The following SPOCK1 variants were observed in gnomAD, a reference collection of about 807,000 sequenced individuals.
The protein encoded by SPOCK1 is SPARC (osteonectin), cwcv and kazal like domains proteoglycan 1.
In SPOCK1, 23 loss-of-function variants were observed where a neutral mutation model predicts 55.3. That is an observed-to-expected ratio of 0.42 (90% CI 0.30 to 0.59). The LOEUF (loss-of-function observed/expected upper bound fraction) is 0.59. SPOCK1 is among the 20% of genes least tolerant of loss of function. The probability of loss-of-function intolerance (pLI) is 0.22; values close to 1 mark genes in which losing one functional copy is unlikely to be tolerated. For missense variants in SPOCK1, 499 were observed against 552.5 expected (o/e 0.90, Z 0.97); for synonymous variants, 226 against 221.0 (o/e 1.02, Z -0.20).
At chr5:137,328,502 A>C (rs568367616) in intron 2 of SPOCK1, among the ~76,000 whole-genome samples, 1 of 152,234 alleles carries the variant, frequency 6.6e-6, no homozygotes, top group African/African-American at 2.4e-5. Flanking sequence ...GAGTTCACAC[A>C]GACAAAGCAT....
chr5:137,309,806 T>A (rs1561500579), intron 2 of SPOCK1, among the ~76,000 whole-genome samples: 1 of 151,994 alleles, frequency 6.6e-6, no homozygotes, highest in African/African-American at 2.4e-5. Flanking sequence ...ATGTGAAGCA[T>A]CTAGTATCAT....
At chr5:137,126,839 T>C (rs559287969) in intron 4 of SPOCK1, among the ~76,000 whole-genome samples, 6 of 152,320 alleles carry the variant, frequency 3.9e-5, no homozygotes, top group South Asian at 2.1e-4. Context: ...TGTCCTAGTG[T>C]CTGTGGAAGG....
At chr5:137,401,616 A>G (rs975225053) in intron 2 of SPOCK1, among the ~76,000 whole-genome samples, 1 of 151,876 alleles carries the variant, frequency 6.6e-6, no homozygotes, top group African/African-American at 2.4e-5. Context: ...ACGGTGGCAC[A>G]CATCTCTAGT....
intron 2 of SPOCK1, among the ~76,000 whole-genome samples, chr5:137,394,211 A>G (rs1244523800): frequency 6.6e-6 from 1 of 152,208 alleles, no homozygotes; most frequent in African/African-American, 2.4e-5. Flanking sequence ...AACTCCTGAT[A>G]TTAAGAGTTG....
chr5:136,985,417 G>GGCCAC (rs1750819934), intron 8 of SPOCK1, among the ~76,000 whole-genome samples: 1 of 152,132 alleles, frequency 6.6e-6, no homozygotes. Context: ...AGTATTTGGG[G>GGCCAC]GCCACTTGCA....
chr5:137,360,567 C>G (rs1185623479), intron 2 of SPOCK1, among the ~76,000 whole-genome samples: 1 of 152,236 alleles, frequency 6.6e-6, no homozygotes, highest in Non-Finnish European at 1.5e-5. Flanking sequence ...CCAAATGAGT[C>G]TGCGCACTTT....
At chr5:137,288,327 T>C (rs1236280575) in intron 2 of SPOCK1, among the ~76,000 whole-genome samples, 1 of 152,204 alleles carries the variant, frequency 6.6e-6, no homozygotes, top group African/African-American at 2.4e-5. Context: ...CTAAGAGACT[T>C]AGAACCCTTG....
At chr5:137,183,962 A>G (rs540558587) in intron 3 of SPOCK1, among the ~76,000 whole-genome samples, 17 of 152,282 alleles carry the variant, frequency 1.1e-4, no homozygotes, top group African/African-American at 4.1e-4. Context: ...ATCGCATAGG[A>G]GACAATCCAG....
chr5:137,240,964 A>G (rs772626613), intron 3 of SPOCK1, among the ~76,000 whole-genome samples: 1 of 152,228 alleles, frequency 6.6e-6, no homozygotes, highest in Non-Finnish European at 1.5e-5. Flanking sequence ...AAATCAGTGG[A>G]CAAAAAAATG....
chr5:137,267,098 A>G (rs754573057), intron 2 of SPOCK1, 43 bp from the exon 3 acceptor site: 2 of 1,529,354 alleles, frequency 1.3e-6, no homozygotes, highest in Admixed American at 3.4e-5. Context: ...GAGTTCAAAA[A>G]GCTTCTCACA....
rs537331488 is a variant in SPOCK1, at chr5:137,175,218, G to C, written c.233-34524C>G. On this transcript the variant is annotated intron_variant, in intron 3 of 10. Coordinates refer to ENST00000394945, the MANE Select transcript of SPOCK1 (RefSeq NM_004598.4). ...AAAGAGGGTGTTAGGAGTGGGCCTTGGAAAATGGGTAGTACAAGACATGTA... is the reference window on the plus strand; with the variant it reads ...AAAGAGGGTGTTAGGAGTGGGCCTTCGAAAATGGGTAGTACAAGACATGTA... Among the ~76,000 whole-genome samples the C allele has an allele frequency of 2.0e-4, 31 of 152,284 alleles. 1 individual carries two copies. In the Middle Eastern group the frequency reaches 0.02, roughly 100 times the overall value.
intron 2 of SPOCK1, among the ~76,000 whole-genome samples, chr5:137,483,809 T>C (rs1753997033): frequency 6.6e-6 from 1 of 152,142 alleles, no homozygotes; most frequent in Admixed American, 6.5e-5. Flanking sequence ...ATCTCCTGGC[T>C]GGGAATCACT....
At chr5:137,415,379 T>C (rs556941533) in intron 2 of SPOCK1, among the ~76,000 whole-genome samples, 1 of 152,312 alleles carries the variant, frequency 6.6e-6, no homozygotes, top group East Asian at 1.9e-4. Context: ...TATGTTTGTG[T>C]GACTAATGAA....
intron 2 of SPOCK1, among the ~76,000 whole-genome samples, chr5:137,390,501 T>C (rs1751695667): frequency 6.6e-6 from 1 of 152,198 alleles, no homozygotes; most frequent in Non-Finnish European, 1.5e-5. Flanking sequence ...TGAGGTCTGC[T>C]TTGCCCGTTC....
chr5:137,044,800 G>A (rs377648337), intron 6 of SPOCK1, among the ~76,000 whole-genome samples: 1 of 108,304 alleles, frequency 9.2e-6, no homozygotes, highest in African/African-American at 3.6e-5. Context: ...CCCCTCCCCC[G>A]ACCCCACCAC....
In SPOCK1 at chr5:136,975,655, C is replaced by T. The variant is rs1419692187; in HGVS notation, c.*2999G>A. The T allele has an allele frequency of 6.6e-6, 1 of 152,190 alleles. No individual in the cohort carries two copies. The allele number at this position is 152,190 out of a possible 1,614,324, so 9.4% of individuals were successfully genotyped here. ...AAGAAGAAAAAAATGTGAGTGGCAT[C>T]CTGGGATGAGCAGGGGGACAGACCT... is the stretch of plus-strand genomic sequence containing the variant. On this transcript the variant is annotated 3_prime_UTR_variant, in exon 11 of 11. Transcript: ENST00000394945.
intron 6 of SPOCK1, among the ~76,000 whole-genome samples, chr5:137,051,661 T>G (rs1232465946): frequency 1.3e-5 from 2 of 152,074 alleles, no homozygotes; most frequent in African/African-American, 4.8e-5. Flanking sequence ...TATGAAGAAT[T>G]CATATCAAAT....
At chr5:137,478,685 T>C (rs1457402875) in intron 2 of SPOCK1, among the ~76,000 whole-genome samples, 2 of 152,148 alleles carry the variant, frequency 1.3e-5, no homozygotes, top group African/African-American at 4.8e-5. Context: ...AGATTTCCTA[T>C]TTATCAATAA....
intron 3 of SPOCK1, among the ~76,000 whole-genome samples, chr5:137,145,332 T>TA (rs1204950288): frequency 4.6e-5 from 7 of 152,236 alleles, no homozygotes; most frequent in Non-Finnish European, 1.0e-4. Context: ...TTAATTATCT[T>TA]AATTGTTTCT....
Sources: gnomAD v4.1 joint callset for allele counts (sites outside exome capture counted in the v4.1 genomes callset) on GRCh38, gnomAD v4.1.1 for gene constraint, MANE v1.5 for transcripts, NCBI Gene and HGNC (gene_info 2026-07-23, HGNC 2026-07-21) for gene names.